MEX3A: variants seen among roughly 807,000 people sequenced by gnomAD.
MEX3A encodes mex-3 RNA binding family member A.
A neutral mutation model predicts 30.0 loss-of-function variants in MEX3A; 4 were observed. That is an observed-to-expected ratio of 0.13 (90% confidence interval 0.07 to 0.30). MEX3A has a LOEUF of 0.30. MEX3A is among the 10% of genes least tolerant of loss of function. The pLI is 1.00. For synonymous variants in MEX3A, 335 were observed against 327.6 expected (o/e 1.02, Z -0.24); for missense variants, 555 against 736.7 (o/e 0.75, Z 2.86).
In MEX3A at chr1:156,072,273, C is replaced by CCCAGGGCTGTCT; in HGVS notation, c.*4289_*4300dup. 6.5e-6 allele frequency: 1 copy of CCCAGGGCTGTCT among 152,792 alleles called. No homozygotes were observed. The highest frequency in any genetic ancestry group is 1.5e-5 in the Non-Finnish European group (1 of 68,028). 9.5% of individuals were successfully genotyped at this position (152,792 alleles called of 1,614,324 possible). A position where few individuals can be genotyped will look rare whatever the true frequency, so the allele number is the denominator to read the frequency against. ...ACAGTGGAGAGACCATCCTCCCTGCCCCAGGGCTGTCTCCACCCACCCCCC... is the reference window on the plus strand; with the variant it reads ...ACAGTGGAGAGACCATCCTCCCTGCCCCAGGGCTGTCTCCAGGGCTGTCTCCACCCACCCCCC... On this transcript the variant is annotated 3_prime_UTR_variant, in exon 2 of 2. Transcript: ENST00000532414.
At chr1:156,081,028 C>T (rs1243466088) in intron 1 of MEX3A, among the ~76,000 whole-genome samples, 1 of 152,162 alleles carries the variant, frequency 6.6e-6, no homozygotes, top group Non-Finnish European at 1.5e-5. Context: ...TGGGACCCTC[C>T]CCTGGGCCAC....
chr1:156,082,045 AGGTGGTGGAAGGGAAAAGAG>A lies in MEX3A; in HGVS notation c.-67_-48del. The A allele has an allele frequency of 3.0e-5, 26 of 855,202 alleles. No homozygotes were observed. The highest frequency in any genetic ancestry group is 3.7e-5 in the Non-Finnish European group (23 of 629,522). 53.0% of individuals were successfully genotyped at this position (855,202 alleles called of 1,614,324 possible). On this transcript the variant is annotated 5_prime_UTR_variant, in exon 1 of 2. Coordinates refer to ENST00000532414, the MANE Select transcript of MEX3A (RefSeq NM_001093725.2). ...GAGAGAGAGGGAGAGAGAGAGAGAG[AGGTGGTGGAAGGGAAAAGAG>A]GAGAGAGGAGGGGAGGGGAGAGGAG...
chr1:156,077,695 G>C lies in MEX3A; in HGVS notation c.455-13C>G, dbSNP rs761731272. The C allele has an allele frequency of 5.8e-6, 9 of 1,563,424 alleles. No homozygotes were observed. The highest frequency in any genetic ancestry group is 1.4e-5 in the African/African-American group (1 of 73,908). Reference sequence around the variant, plus strand: ...TTAATCTTGCAGCCTGGGATAGGGCGGGGAAGGAGAGAGACAAAGAAACGC... The same window carrying C: ...TTAATCTTGCAGCCTGGGATAGGGCCGGGAAGGAGAGAGACAAAGAAACGC... On this transcript the variant is annotated splice_polypyrimidine_tract_variant and intron_variant, in intron 1 of 1. Transcript: ENST00000532414. This position sits in a 1 kb window ranked among gnomAD's most constrained non-coding sequence, Gnocchi z 8.3.
chr1:156,081,466 G>C (rs1648235701), intron 1 of MEX3A, 79 bp downstream of exon 1: 1 of 1,261,194 alleles, frequency 7.9e-7, no homozygotes, highest in Non-Finnish European at 1.1e-6. Context: ...GGGCAAGAAG[G>C]GAAGAAATGA....
In MEX3A at chr1:156,077,347, G is replaced by T; in HGVS notation, c.790C>A (p.Arg264Ser). The change falls in exon 2 of 2, where the codon CGC becomes AGC. Residue 264 changes from arginine (R) to serine (S), a missense_variant. Around this residue, in one of 6 missense-constraint regions of MEX3A, gnomAD observed 33 missense variants for 100.9 expected, o/e 0.33. Coordinates refer to ENST00000532414, the MANE Select transcript of MEX3A (RefSeq NM_001093725.2). This position sits in a 1 kb window ranked among gnomAD's most constrained non-coding sequence, Gnocchi z 8.3. ...CCCGTGATCTCGAACACGGGGTCGC[G>T]GTCACGGCTTGGTGTGATAATGTAT... ...NTYIITPSRD[R>S]DPVFEITGAP... is the part of the protein sequence containing the mutation. The T allele has an allele frequency of 6.2e-7, 1 of 1,613,786 alleles. No homozygotes were observed. Among genetic ancestry groups the T allele is most frequent in the Non-Finnish European group, 8.5e-7 (1 of 1,179,792 alleles).
chr1:156,081,512 A>G (rs772726396), intron 1 of MEX3A, 33 bp downstream of exon 1: 3 of 1,572,398 alleles, frequency 1.9e-6, no homozygotes, highest in East Asian at 2.3e-5. Context: ...CCCCCACTAC[A>G]GTCCCTCTCA....
chr1:156,077,323 C>T lies in MEX3A; in HGVS notation c.814G>A (p.Gly272Ser), dbSNP rs1172456756. The T allele has an allele frequency of 6.2e-7, 1 of 1,613,940 alleles. No homozygotes were observed. The highest frequency in any genetic ancestry group is 1.7e-5 in the Admixed American group (1 of 60,018). ...RDRDPVFEITGAPGNVERARE... is the reference protein window; with the variant it reads ...RDRDPVFEITSAPGNVERARE... ...GCACGCTCCACGTTGCCTGGGGCAC[C>T]CGTGATCTCGAACACGGGGTCGCGG... The change falls in exon 2 of 2, where the codon GGT becomes AGT. Residue 272 changes from glycine to serine, a missense_variant. Physicochemically the swap from Gly to Ser is moderately conservative, Grantham distance 56. Transcript: ENST00000532414. The surrounding 1 kb of genome is among the most constrained non-coding windows in gnomAD (Gnocchi z 8.3).
In MEX3A at chr1:156,081,656, G is replaced by A; in HGVS notation, c.343C>T (p.Leu115Phe). Residue 115 changes from leucine (L) to phenylalanine (F), a missense_variant, in exon 1 of 2, where the codon CTC (leucine) becomes TTC (phenylalanine). Leu to Phe is a conservative substitution (Grantham distance 22). Around this residue, in one of 6 missense-constraint regions of MEX3A, gnomAD observed 159 missense variants for 159.9 expected, o/e 0.99. Coordinates refer to ENST00000532414, the MANE Select transcript of MEX3A (RefSeq NM_001093725.2). ...TAPKGASDAK[L>F]CALYKEAELR... ...TCGGCCTCTTTGTAGAGAGCGCAGAGCTTGGCGTCGCTCGCCCCTTTGGGG... is the reference window on the plus strand; with the variant it reads ...TCGGCCTCTTTGTAGAGAGCGCAGAACTTGGCGTCGCTCGCCCCTTTGGGG... 6.6e-7 allele frequency: 1 copy of A among 1,522,234 alleles called. No homozygotes were observed. The highest frequency in any genetic ancestry group is 8.8e-7 in the Non-Finnish European group (1 of 1,136,452). 94.3% of individuals were successfully genotyped at this position (1,522,234 alleles called of 1,614,324 possible).
rs1481377572 is a variant in MEX3A at position 156,077,865 on chromosome 1, C to T, written c.455-183G>A. 2.0e-5 allele frequency among the ~76,000 whole-genome samples: 3 copies of T among 152,164 alleles called. No individual in the cohort carries two copies. The highest frequency in any genetic ancestry group is 2.9e-5 in the Non-Finnish European group (2 of 68,034). On this transcript the variant is annotated intron_variant, in intron 1 of 1. Coordinates refer to ENST00000532414, the MANE Select transcript of MEX3A (RefSeq NM_001093725.2). The surrounding 1 kb of genome is among the most constrained non-coding windows in gnomAD (Gnocchi z 8.3). ...GACTTGAAGAAACCATTTATCAGAT[C>T]TCAGATGTGCCTAATGTCTCTCTCA...
At position 156,077,202 on chromosome 1, in the gene MEX3A, G is replaced by A. The variant is rs1234121969; in HGVS notation, c.935C>T (p.Ala312Val). Residue 312 changes from alanine to valine, a missense_variant, in exon 2 of 2, where the codon GCA becomes GTA. By Grantham distance (64) the Ala-to-Val change is moderately conservative. Transcript: ENST00000532414. This position sits in a 1 kb window ranked among gnomAD's most constrained non-coding sequence, Gnocchi z 8.3. ...NDFLAGSPDA[A>V]IDSRYSDAWR... ...GGCGTCGGAGTAGCGGCTATCGATT[G>A]CTGCGTCGGGGCTCCCCGCCAGGAA... 3 of 1,613,558 alleles carry A rather than the reference G, an allele frequency of 1.9e-6. No individual in the cohort carries two copies. The highest frequency in any genetic ancestry group is 2.5e-6 in the Non-Finnish European group (3 of 1,179,850).
chr1:156,074,714 T>C lies in MEX3A; in HGVS notation c.*1860A>G, dbSNP rs2102775182. ...GGTGCCCATTTGGTTTGGTTTCTAT[T>C]GTACAGACATCTCAGGATGGCTCAC... is the stretch of plus-strand genomic sequence containing the variant. On this transcript the variant is annotated 3_prime_UTR_variant, in exon 2 of 2. Coordinates refer to ENST00000532414, the MANE Select transcript of MEX3A (RefSeq NM_001093725.2). 1 of 148,922 alleles carries C rather than the reference T, an allele frequency of 6.7e-6. No homozygotes were observed. The highest frequency in any genetic ancestry group is 1.5e-5 in the Non-Finnish European group (1 of 66,842). The allele number at this position is 148,922 out of a possible 1,614,324, so 9.2% of individuals were successfully genotyped here.
Position 156,082,013 on chromosome 1 carries a change from TG to T in MEX3A, c.-16del. On this transcript the variant is annotated 5_prime_UTR_variant, in exon 1 of 2. Transcript: ENST00000532414. ...AGACTAGGCATGGCGAAACAAAAGC[TG>T]GGGGAGAGAGAGAGGGAGAGAGAGA... The T allele has an allele frequency of 1.5e-6, 2 of 1,310,684 alleles. No homozygotes were observed. Among genetic ancestry groups the T allele is most frequent in the Admixed American group, 2.8e-5 (1 of 36,088 alleles). The allele number at this position is 1,310,684 out of a possible 1,614,324, so 81.2% of individuals were successfully genotyped here. A position where few individuals can be genotyped will look rare whatever the true frequency, so the allele number is the denominator to read the frequency against.
rs760483631 is a variant in MEX3A at position 156,076,838 on chromosome 1, C to T, written c.1299G>A (p.Ala433=). The stretch of plus-strand genomic sequence containing the variant: ...TCGGGAGTCCGGCCAGCTCGGGTCC[C>T]GCGGAAGTGGCAGGGGAGCGGTGTG... ...PGAHRSPATS[A]GPELAGLPRR... is the part of the protein sequence containing the mutation. The change falls in exon 2 of 2, where the codon GCG becomes GCA. Residue 433 remains alanine (A), a synonymous_variant. Coordinates refer to ENST00000532414, the MANE Select transcript of MEX3A (RefSeq NM_001093725.2). The surrounding 1 kb of genome is among the most constrained non-coding windows in gnomAD (Gnocchi z 6.0). 6.5e-7 allele frequency: 1 copy of T among 1,546,958 alleles called. No homozygotes were observed. Among genetic ancestry groups the T allele is most frequent in the Non-Finnish European group, 8.7e-7 (1 of 1,145,402 alleles).
chr1:156,080,741 A>C (rs1427292077), intron 1 of MEX3A, among the ~76,000 whole-genome samples: 1 of 147,972 alleles, frequency 6.8e-6, no homozygotes, highest in Non-Finnish European at 1.5e-5. Context: ...CACGCCCTCC[A>C]CCAAATTTCC....
Position 156,078,864 on chromosome 1 carries a change from C to T in MEX3A, c.455-1182G>A, listed in dbSNP as rs568871631. Among the ~76,000 whole-genome samples the T allele has an allele frequency of 1.6e-4, 25 of 152,274 alleles. No individual in the cohort carries two copies. In the South Asian group the frequency reaches 5.2e-3, roughly 32 times the overall value. On this transcript the variant is annotated intron_variant, in intron 1 of 1. Coordinates refer to ENST00000532414, the MANE Select transcript of MEX3A (RefSeq NM_001093725.2). Reference sequence around the variant, plus strand: ...TGTACACTTTTATACACCTCTTTCACACACACATCAAGTCCCTGTGTTTCG... The same window carrying T: ...TGTACACTTTTATACACCTCTTTCATACACACATCAAGTCCCTGTGTTTCG...
rs1402525334 is a variant in MEX3A at position 156,073,585 on chromosome 1, T to C, written c.*2989A>G. 2.0e-5 allele frequency: 3 copies of C among 152,714 alleles called. No homozygotes were observed. Among genetic ancestry groups the C allele is most frequent in the African/African-American group, 4.8e-5 (2 of 41,438 alleles). 9.5% of individuals were successfully genotyped at this position (152,714 alleles called of 1,614,324 possible). ...TACTAAACTTTAAGCTATCTTAATA[T>C]TGTCTACTAAGTAACTAGTAATTGT... is the stretch of plus-strand genomic sequence containing the variant. On this transcript the variant is annotated 3_prime_UTR_variant, in exon 2 of 2. Coordinates refer to ENST00000532414, the MANE Select transcript of MEX3A (RefSeq NM_001093725.2).
chr1:156,077,500 C>T lies in MEX3A; in HGVS notation c.637G>A (p.Ala213Thr), dbSNP rs1219362755. Residue 213 changes from alanine to threonine, a missense_variant, in exon 2 of 2, where the codon GCC (alanine) becomes ACC (threonine). Ala to Thr is a moderately conservative substitution (Grantham distance 58). Coordinates refer to ENST00000532414, the MANE Select transcript of MEX3A (RefSeq NM_001093725.2). The surrounding 1 kb of genome is among the most constrained non-coding windows in gnomAD (Gnocchi z 8.3). ...GGCAGAGCAGGAGCCACACCAAAGG[C>T]GGCGCCTGACTTGTTGCGGGAGGCA... ...IRASRNKSGA[A>T]FGVAPALPGQ... 2 of 1,612,896 alleles carry T rather than the reference C, an allele frequency of 1.2e-6. No homozygotes were observed. The highest frequency in any genetic ancestry group is 1.1e-5 in the South Asian group (1 of 90,900).
At position 156,076,916 on chromosome 1, in the gene MEX3A, AGAG is replaced by A. The variant is rs771026061; in HGVS notation, c.1218_1220del (p.Ser407del). ...CGGAAGAGGAGGAGGAGGAGGAGGCAGAGGAGAAGAGCACGGAGGTGGGCGTGG... is the reference window on the plus strand; with the variant it reads ...CGGAAGAGGAGGAGGAGGAGGAGGCAGAGAAGAGCACGGAGGTGGGCGTGG... On this transcript the variant is annotated inframe_deletion, in exon 2 of 2. Transcript: ENST00000532414. The surrounding 1 kb of genome is among the most constrained non-coding windows in gnomAD (Gnocchi z 6.0). 1.3e-5 allele frequency: 21 copies of A among 1,584,758 alleles called. No individual in the cohort carries two copies. The highest frequency in any genetic ancestry group is 3.4e-5 in the South Asian group (3 of 88,056).
In MEX3A at chr1:156,081,570, G is replaced by A. The variant is rs757582503; in HGVS notation, c.429C>T (p.His143=). ...TECVPVPTSE[H]VAEIVGRQGC... is the part of the protein sequence containing the mutation. ...CTTGCCTGCCCACGATCTCGGCCAC[G>A]TGCTCGGAGGTGGGCACGGGAACAC... is the stretch of plus-strand genomic sequence containing the variant. The change falls in exon 1 of 2, where the codon CAC becomes CAT. Residue 143 remains histidine, a synonymous_variant. Coordinates refer to ENST00000532414, the MANE Select transcript of MEX3A (RefSeq NM_001093725.2). 3.1e-6 allele frequency: 5 copies of A among 1,600,104 alleles called. No homozygotes were observed. In the South Asian group the frequency reaches 4.5e-5, roughly 14 times the overall value.
Sources: gnomAD v4.1 joint callset for allele counts (sites outside exome capture counted in the v4.1 genomes callset) on GRCh38, gnomAD v4.1.1 for gene constraint, gnomAD v4.1.1 regional missense constraint, Gnocchi (gnomAD v3.1) non-coding constraint, MANE v1.5 for transcripts, NCBI Gene and HGNC (gene_info 2026-07-23, HGNC 2026-07-21) for gene names.